CLASP2: variants seen among roughly 807,000 people sequenced by gnomAD.
CLASP2 encodes cytoplasmic linker associated protein 2, also known as CLIP-associating protein 2.
CLASP2 carries 47 observed loss-of-function variants against 194.4 expected under a neutral mutation model. That is an observed-to-expected ratio of 0.24 (90% CI 0.19 to 0.31). The LOEUF is 0.31. Ranked by LOEUF, CLASP2 falls within the 10% of genes least tolerant of loss-of-function variation. CLASP2 has a pLI of 1.00. For synonymous variants in CLASP2, 619 were observed against 633.5 expected, an observed-to-expected ratio of 0.98 and a Z score of 0.34; for missense variants, 1,445 against 1,823.6, an observed-to-expected ratio of 0.79 and a Z score of 3.78.
chr3:33,701,457 A>G (rs1326294393), intron 1 of CLASP2, among the ~76,000 whole-genome samples: 1 of 152,228 alleles, frequency 6.6e-6, no homozygotes, highest in Non-Finnish European at 1.5e-5. Flanking sequence ...GTAGCTGGCC[A>G]TGGTGGCACA....
intron 29 of CLASP2, 128 bp downstream of exon 29, chr3:33,559,179 A>T: frequency 1.4e-6 from 1 of 731,508 alleles, no homozygotes; most frequent in Non-Finnish European, 2.4e-6. Flanking sequence ...TGACTGTCTG[A>T]AAGTTTATAA....
chr3:33,618,832 T>C (rs182666835), intron 12 of CLASP2, among the ~76,000 whole-genome samples: 1 of 152,190 alleles, frequency 6.6e-6, no homozygotes, highest in Non-Finnish European at 1.5e-5. Context: ...AGATTTGTTT[T>C]TTCAACTCTG....
rs1214777187 is a variant in CLASP2, at chr3:33,580,840, A to C, written c.2347+981T>G. Among the ~76,000 whole-genome samples, 6 of 151,482 alleles carry C rather than the reference A, an allele frequency of 4.0e-5. No homozygotes were observed. The East Asian group carries it at 1.2e-3, about 30-fold the overall frequency. On this transcript the variant is annotated intron_variant, in intron 23 of 38. Transcript: ENST00000682230. ...ACCATCCTGGCTAACACGGTGAAACACCGTCTCTACTGAAAATACAAAAAA... is the reference window on the plus strand; with the variant it reads ...ACCATCCTGGCTAACACGGTGAAACCCCGTCTCTACTGAAAATACAAAAAA...
intron 1 of CLASP2, among the ~76,000 whole-genome samples, chr3:33,708,397 C>T (rs1238947433): frequency 6.6e-6 from 1 of 150,540 alleles, no homozygotes; most frequent in Non-Finnish European, 1.5e-5. Flanking sequence ...CATGTTGTCA[C>T]AAATGGCAGG....
At chr3:33,604,057 A>G in intron 17 of CLASP2, 97 bp downstream of exon 17, 1 of 884,862 alleles carries the variant, frequency 1.1e-6, no homozygotes, top group Non-Finnish European at 1.8e-6. Context: ...GTTACCAAGT[A>G]AAACGATCTT....
Position 33,584,882 on chromosome 3 carries a change from T to C in CLASP2, c.2107A>G (p.Thr703Ala). Residue 703 changes from threonine (T) to alanine (A), a missense_variant, in exon 22 of 39, where the codon ACA (threonine) becomes GCA (alanine). Thr to Ala is a moderately conservative substitution (Grantham distance 58). Coordinates refer to ENST00000682230, the MANE Select transcript of CLASP2 (RefSeq NM_001365631.1). ...GAGCTCACAGTGGACAGGGCTGTTG[T>C]GGTCAGAACTCTTCCTGGAGACCCA... ...RSGSPGRVLTTTALSTVSSGV... is the reference protein window; with the variant it reads ...RSGSPGRVLTATALSTVSSGV... The C allele has an allele frequency of 6.2e-7, 1 of 1,613,016 alleles. No homozygotes were observed. Among genetic ancestry groups the C allele is most frequent in the Non-Finnish European group, 8.5e-7 (1 of 1,179,414 alleles).
rs371028456 is a variant in CLASP2, at chr3:33,642,906, G to A, written c.862+1851C>T. Among the ~76,000 whole-genome samples the A allele has an allele frequency of 1.6e-4, 25 of 151,532 alleles. No homozygotes were observed. In the East Asian group the frequency reaches 3.9e-3, roughly 23 times the overall value. ...AACGAAGAAGAAGAAGAAAAAGGAG[G>A]AGGAAGAGGAAGAGAAAAAGGAGAA... On this transcript the variant is annotated intron_variant, in intron 8 of 38. Transcript: ENST00000682230.
chr3:33,584,981 G>C (rs1438437532), intron 21 of CLASP2, 61 bp from the exon 22 acceptor site: 3 of 1,456,894 alleles, frequency 2.1e-6, no homozygotes, highest in Non-Finnish European at 2.8e-6. Flanking sequence ...TTGCTGAAAG[G>C]ATAAAAATTC....
chr3:33,498,786 A>G, intron 38 of CLASP2, 69 bp from the exon 39 acceptor site: 2 of 915,186 alleles, frequency 2.2e-6, no homozygotes, highest in Non-Finnish European at 3.5e-6. Flanking sequence ...TCATTAAAAT[A>G]TTATATACAT....
At chr3:33,557,782 C>T (rs1423706144) in intron 29 of CLASP2, among the ~76,000 whole-genome samples, 1 of 152,138 alleles carries the variant, frequency 6.6e-6, no homozygotes, top group African/African-American at 2.4e-5. Flanking sequence ...AATCTCTTTC[C>T]CCAAGCAGCT....
At chr3:33,676,615 G>C (rs1334195459) in intron 6 of CLASP2, among the ~76,000 whole-genome samples, 5 of 152,120 alleles carry the variant, frequency 3.3e-5, no homozygotes, top group South Asian at 2.1e-4. Context: ...AGAAAACCTA[G>C]GCATTACCAT....
Position 33,531,970 on chromosome 3 carries a change from C to A in CLASP2, c.3787+3263G>T, listed in dbSNP as rs527634764. Among the ~76,000 whole-genome samples the A allele has an allele frequency of 2.6e-5, 4 of 152,106 alleles. No homozygotes were observed. In the South Asian group the frequency reaches 8.3e-4, roughly 32 times the overall value. On this transcript the variant is annotated intron_variant, in intron 34 of 38. Coordinates refer to ENST00000682230, the MANE Select transcript of CLASP2 (RefSeq NM_001365631.1). The stretch of plus-strand genomic sequence containing the variant: ...GCTATGGAAAACAGTACAGTGTCTT[C>A]AAAAAATTAAAAACAGAACTACCAT...
chr3:33,571,015 A>ATTTTTTTT lies in CLASP2; in HGVS notation c.2700-233_2700-226dup, dbSNP rs1027731514. 7.4e-4 allele frequency among the ~76,000 whole-genome samples: 92 copies of ATTTTTTTT among 123,918 alleles called. 8 individuals carry two copies. The highest frequency in any genetic ancestry group is 1.8e-3 in the East Asian group (7 of 3,910). 81.3% of individuals were successfully genotyped at this position (123,918 alleles called of 152,430 possible). ...AGATGGCAAGATCCTGTCTCTATAA[A>ATTTTTTTT]TTTTTTTTTTTTTTTTTTGAGACGG... On this transcript the variant is annotated intron_variant, in intron 25 of 38. Coordinates refer to ENST00000682230, the MANE Select transcript of CLASP2 (RefSeq NM_001365631.1).
chr3:33,676,778 G>C (rs2154340964), intron 6 of CLASP2, among the ~76,000 whole-genome samples: 1 of 152,242 alleles, frequency 6.6e-6, no homozygotes, highest in Non-Finnish European at 1.5e-5. Context: ...CCTACAAAAT[G>C]GGAGAAAATT....
At chr3:33,624,934 A>G (rs2077735041) in intron 10 of CLASP2, among the ~76,000 whole-genome samples, 1 of 152,086 alleles carries the variant, frequency 6.6e-6, no homozygotes, top group South Asian at 2.1e-4. Context: ...TTGAAAAGAA[A>G]ACAGATGCTC....
intron 7 of CLASP2, among the ~76,000 whole-genome samples, chr3:33,651,546 T>C (rs769644277): frequency 6.6e-6 from 1 of 152,056 alleles, no homozygotes; most frequent in African/African-American, 2.4e-5. Context: ...GTCCCCAAGG[T>C]TTCAGATAAG....
rs376838667 is a variant in CLASP2, at chr3:33,649,011, C to G, written c.716-4108G>C. Among the ~76,000 whole-genome samples, 85 of 152,344 alleles carry G rather than the reference C, an allele frequency of 5.6e-4. 1 individual carries two copies. In the South Asian group the frequency reaches 0.014, roughly 25 times the overall value. On this transcript the variant is annotated intron_variant, in intron 7 of 38. Transcript: ENST00000682230. ...CTACATAAAAAGGTCTACCAGAACT[C>G]TAAGATCTTAACGGTCACACAGGTC...
rs368630859 is a variant in CLASP2 at position 33,674,214 on chromosome 3, G to A, written c.644+10145C>T. On this transcript the variant is annotated intron_variant, in intron 6 of 38. Transcript: ENST00000682230. ...GGAAGTAAAGCACTCCTCAGCAAAT[G>A]TAAAAGAACAGAAATTATAACAAAC... Among the ~76,000 whole-genome samples the A allele has an allele frequency of 1.1e-3, 173 of 152,216 alleles. 1 individual carries two copies. In the East Asian group the frequency reaches 0.029, roughly 25 times the overall value.
At chr3:33,573,593 TG>T (rs2064219759) in intron 24 of CLASP2, 1 of 541,674 alleles carries the variant, frequency 1.8e-6, no homozygotes, top group African/African-American at 1.9e-5. Context: ...TAAGACTATA[TG>T]GAAGTTCAGA....
Sources: allele counts gnomAD v4.1 joint callset (sites outside exome capture counted in the v4.1 genomes callset), GRCh38; gene constraint gnomAD v4.1.1; transcripts MANE v1.5; gene names NCBI Gene and HGNC (gene_info 2026-07-23, HGNC 2026-07-21).